The following CTPS2 variants were observed in gnomAD, a reference collection of about 807,000 sequenced individuals.
The protein encoded by CTPS2 is CTP synthase II.
CTPS2 carries 19 observed loss-of-function variants against 46.8 expected under a neutral mutation model. The observed-to-expected ratio is 0.41, with a 90% CI of 0.28 to 0.60. CTPS2 has a LOEUF of 0.60. Among genes scored for constraint, CTPS2 ranks in the 20% least tolerant of loss-of-function variants. CTPS2 has a pLI of 0.35. For missense variants in CTPS2, 286 were observed against 447.6 expected (o/e 0.64, Z 3.26); for synonymous variants, 151 against 165.2 (o/e 0.91, Z 0.66).
chrX:16,663,208 C>T (rs756621416), intron 13 of CTPS2, among the ~76,000 whole-genome samples: 118 of 111,581 alleles, frequency 1.1e-3, no homozygotes, highest in Non-Finnish European at 1.6e-3. Flanking sequence ...AATGCAGCGG[C>T]GTGATCACAG....
At chrX:16,703,013 C>T in intron 1 of CTPS2, 72 bp from the exon 2 acceptor site, 1 of 618,731 alleles carries the variant, frequency 1.6e-6, no homozygotes, top group East Asian at 3.7e-5. Flanking sequence ...GTGTATTCAA[C>T]CAGAATTAAT....
rs957205504 is a variant in CTPS2 at position 16,650,988 on chromosome X, C to G, written c.1297-11745G>C. On this transcript the variant is annotated intron_variant, in intron 13 of 18. Transcript: ENST00000359276. ...CTTTTTGGTAAGTTTATTTTCTTCCCAATTTATAAGACACCAGAATGAGTA... is the reference window on the plus strand; with the variant it reads ...CTTTTTGGTAAGTTTATTTTCTTCCGAATTTATAAGACACCAGAATGAGTA... The G allele has an allele frequency of 2.5e-6, 3 of 1,192,927 alleles. No homozygotes were observed. In the African/African-American group the frequency reaches 5.3e-5, roughly 21 times the overall value.
chrX:16,609,015 C>G (rs963846638), intron 17 of CTPS2, among the ~76,000 whole-genome samples: 3 of 111,638 alleles, frequency 2.7e-5, no homozygotes, highest in African/African-American at 6.5e-5. Context: ...AAATATTTGA[C>G]TACATACATT....
intron 13 of CTPS2, among the ~76,000 whole-genome samples, chrX:16,645,682 T>C (rs1157759131): frequency 8.9e-6 from 1 of 112,849 alleles, no homozygotes; most frequent in African/African-American, 3.2e-5. Context: ...AAAGCTGCTA[T>C]GGTTTGAATG....
intron 1 of CTPS2, among the ~76,000 whole-genome samples, chrX:16,707,255 C>A (rs1017204858): frequency 9.0e-6 from 1 of 111,388 alleles, no homozygotes; most frequent in African/African-American, 3.3e-5. Flanking sequence ...TGTACAGGGG[C>A]CTTCTGCTCT....
chrX:16,602,104 C>T (rs1929703347), intron 17 of CTPS2, among the ~76,000 whole-genome samples: 1 of 111,847 alleles, frequency 8.9e-6, no homozygotes, highest in African/African-American at 3.2e-5. Flanking sequence ...CCAGGTCACA[C>T]TGTGTGGGTG....
At chrX:16,602,736 G>A (rs2036397783) in intron 17 of CTPS2, among the ~76,000 whole-genome samples, 1 of 112,123 alleles carries the variant, frequency 8.9e-6, no homozygotes, top group African/African-American at 3.2e-5. Context: ...TTCACCCAGT[G>A]GCTTTAGCAT....
intron 16 of CTPS2, among the ~76,000 whole-genome samples, chrX:16,614,436 A>G (rs1420184934): frequency 8.9e-6 from 1 of 112,922 alleles, no homozygotes; most frequent in Non-Finnish European, 1.9e-5. Flanking sequence ...CAAACAGGTC[A>G]AGGAGGCACG....
At chrX:16,703,240 T>G (rs1308046340) in intron 1 of CTPS2, among the ~76,000 whole-genome samples, 1 of 110,127 alleles carries the variant, frequency 9.1e-6, no homozygotes, top group Non-Finnish European at 1.9e-5. Flanking sequence ...TTGCCCACGC[T>G]GGTCTCCAAC....
At chrX:16,680,503 C>T (rs374974978) in intron 9 of CTPS2, among the ~76,000 whole-genome samples, 1 of 97,604 alleles carries the variant, frequency 1.0e-5, no homozygotes, top group East Asian at 3.2e-4. Context: ...TGCAGTGAGC[C>T]AAGATCGCAC....
At chrX:16,615,050 C>T (rs1930459804) in intron 16 of CTPS2, among the ~76,000 whole-genome samples, 1 of 111,843 alleles carries the variant, frequency 8.9e-6, no homozygotes, top group African/African-American at 3.2e-5. Context: ...GTGGAACATG[C>T]CTGTAGTCCC....
chrX:16,674,660 A>G (rs768668653), intron 10 of CTPS2, among the ~76,000 whole-genome samples: 3 of 101,230 alleles, frequency 3.0e-5, no homozygotes. Context: ...AACACGGTGA[A>G]ACCCCGTCTC....
intron 10 of CTPS2, among the ~76,000 whole-genome samples, chrX:16,671,704 G>A (rs1250999287): frequency 9.2e-6 from 1 of 108,568 alleles, no homozygotes; most frequent in African/African-American, 3.4e-5. Flanking sequence ...TAGTAGAGAT[G>A]GGGTTTCACC....
chrX:16,660,786 G>A (rs1932928471), intron 13 of CTPS2, among the ~76,000 whole-genome samples: 1 of 110,922 alleles, frequency 9.0e-6, no homozygotes, highest in African/African-American at 3.3e-5. Context: ...TTAGATTACA[G>A]GTGTGAGCCA....
chrX:16,619,002 T>TG (rs1401523081), intron 15 of CTPS2, among the ~76,000 whole-genome samples: 2 of 112,095 alleles, frequency 1.8e-5, no homozygotes, highest in Non-Finnish European at 3.8e-5. Context: ...GCTACGCTAT[T>TG]GCGTACGTAC....
rs757710607 is a variant in CTPS2 at position 16,678,453 on chromosome X, A to G, written c.1006-3T>C. The stretch of plus-strand genomic sequence containing the variant: ...TCCAGATCAATGGAGTCTATGTACT[A>G]AAAAACATCCAACAGATAAAAGGAG... On this transcript the variant is annotated splice_polypyrimidine_tract_variant and splice_region_variant and intron_variant, in intron 9 of 18. Coordinates refer to ENST00000359276, the MANE Select transcript of CTPS2 (RefSeq NM_175859.3). The G allele has an allele frequency of 8.8e-7, 1 of 1,141,823 alleles. No individual in the cohort carries two copies. Among genetic ancestry groups the G allele is most frequent in the African/African-American group, 1.8e-5 (1 of 56,370 alleles). The allele number at this position is 1,141,823 out of a possible 1,213,427, so 94.1% of individuals were successfully genotyped here.
intron 17 of CTPS2, among the ~76,000 whole-genome samples, chrX:16,593,047 G>C (rs892799420): frequency 9.0e-6 from 1 of 111,238 alleles, no homozygotes; most frequent in African/African-American, 3.3e-5. Flanking sequence ...GAGTTCTACT[G>C]ATCTATGGAG....
At chrX:16,648,377 GAA>G (rs1400655371) in intron 13 of CTPS2, among the ~76,000 whole-genome samples, 2 of 111,956 alleles carry the variant, frequency 1.8e-5, no homozygotes, top group African/African-American at 6.5e-5. Flanking sequence ...CAGAGAAAGA[GAA>G]AGCAAATGTG....
intron 7 of CTPS2, among the ~76,000 whole-genome samples, chrX:16,690,011 C>T (rs960404472): frequency 1.8e-5 from 2 of 108,257 alleles, no homozygotes; most frequent in Non-Finnish European, 3.8e-5. Context: ...GAGATCGCAC[C>T]ATTGCATACC....
Sources: gnomAD v4.1 joint callset for allele counts (sites outside exome capture counted in the v4.1 genomes callset) on GRCh38, gnomAD v4.1.1 for gene constraint, MANE v1.5 for transcripts, NCBI Gene and HGNC (gene_info 2026-07-23, HGNC 2026-07-21) for gene names.